The following ANKH variants were observed in gnomAD, a reference collection of about 807,000 sequenced individuals.
ANKH encodes mineralization regulator ANKH.
ANKH carries 15 observed loss-of-function variants against 49.0 expected under a neutral mutation model. The ratio of observed to expected loss-of-function variants is 0.31; its 90% CI spans 0.20 to 0.47. ANKH has a LOEUF of 0.47. Among genes scored for constraint, ANKH ranks in the 20% least tolerant of loss-of-function variants. ANKH has a pLI of 1.00. For missense variants in ANKH, 429 were observed against 652.0 expected (o/e 0.66, Z 3.72); for synonymous variants, 273 against 260.0 (o/e 1.05, Z -0.48).
intron 8 of ANKH, among the ~76,000 whole-genome samples, chr5:14,718,454 T>C (rs889557662): frequency 6.6e-6 from 1 of 151,854 alleles, no homozygotes; most frequent in African/African-American, 2.4e-5. Flanking sequence ...TCCACTGATA[T>C]CCCCAGAGAA....
Position 14,713,114 on chromosome 5 carries a change from C to A in ANKH, c.1266-141G>T. On this transcript the variant is annotated intron_variant, in intron 10 of 11. Transcript: ENST00000284268. The surrounding 1 kb of genome is among the most constrained non-coding windows in gnomAD (Gnocchi z 4.4). ...TCTCCATCTGCTGGCTTCGTAAGGG[C>A]CGCAGCTAATAACCTAATGTGTGAG... is the stretch of plus-strand genomic sequence containing the variant. The A allele has an allele frequency of 1.2e-6, 1 of 833,048 alleles. No individual in the cohort carries two copies. The highest frequency in any genetic ancestry group is 1.5e-5 in the South Asian group (1 of 67,034). The allele number at this position is 833,048 out of a possible 1,614,324, so 51.6% of individuals were successfully genotyped here. A position where few individuals can be genotyped will look rare whatever the true frequency, so the allele number is the denominator to read the frequency against.
chr5:14,791,370 T>G (rs970757968), intron 1 of ANKH, among the ~76,000 whole-genome samples: 1 of 152,172 alleles, frequency 6.6e-6, no homozygotes, highest in African/African-American at 2.4e-5. Context: ...ACTGTGGTAG[T>G]TGCTTGGTGA....
intron 1 of ANKH, among the ~76,000 whole-genome samples, chr5:14,792,792 T>G (rs1740210081): frequency 6.6e-6 from 1 of 150,864 alleles, no homozygotes; most frequent in South Asian, 2.1e-4. Context: ...CTGGCCAACA[T>G]GGTAAAACCC....
chr5:14,751,068 C>T lies in ANKH; in HGVS notation c.687+1G>A, dbSNP rs757456329. The T allele has an allele frequency of 1.2e-6, 2 of 1,614,152 alleles. No individual in the cohort carries two copies. The highest frequency in any genetic ancestry group is 3.3e-5 in the Admixed American group (2 of 60,030). ...GACTGCTGTTGGGTTGGTAGACGTA[C>T]CCCCAGCTCCGGGCCACTTCTGTCA... On this transcript the variant is annotated splice_donor_variant, in intron 5 of 11. Coordinates refer to ENST00000284268, the MANE Select transcript of ANKH (RefSeq NM_054027.6). LOFTEE classifies it high-confidence loss of function.
intron 3 of ANKH, among the ~76,000 whole-genome samples, chr5:14,756,508 C>A (rs1413773324): frequency 6.6e-6 from 1 of 152,210 alleles, no homozygotes; most frequent in Non-Finnish European, 1.5e-5. Context: ...GAGAAGGTTT[C>A]AAGTTCATGA....
At chr5:14,854,937 C>T (rs1351642770) in intron 1 of ANKH, among the ~76,000 whole-genome samples, 2 of 152,136 alleles carry the variant, frequency 1.3e-5, no homozygotes, top group African/African-American at 4.8e-5. Context: ...AATTATCTTT[C>T]AAATCTGAGC....
At chr5:14,846,998 A>G (rs1253307562) in intron 1 of ANKH, among the ~76,000 whole-genome samples, 1 of 107,190 alleles carries the variant, frequency 9.3e-6, no homozygotes, top group Non-Finnish European at 1.9e-5. Flanking sequence ...ACAGTGTAAG[A>G]CTGCCTCAAA....
chr5:14,742,662 AC>A (rs1386731424), intron 7 of ANKH, among the ~76,000 whole-genome samples: 3 of 152,134 alleles, frequency 2.0e-5, no homozygotes, highest in African/African-American at 7.2e-5. Flanking sequence ...CATGCGTCCA[AC>A]CCCGGTGAGG....
At chr5:14,730,168 C>A (rs1227728213) in intron 8 of ANKH, among the ~76,000 whole-genome samples, 1 of 152,082 alleles carries the variant, frequency 6.6e-6, no homozygotes, top group Non-Finnish European at 1.5e-5. Flanking sequence ...GCCGCTAAGC[C>A]CCTCTCCTCT....
chr5:14,822,735 C>T (rs930789234), intron 1 of ANKH, among the ~76,000 whole-genome samples: 2 of 152,220 alleles, frequency 1.3e-5, no homozygotes, highest in African/African-American at 4.8e-5. Context: ...CTCTAAGAAC[C>T]TGCCATTAAA....
intron 2 of ANKH, among the ~76,000 whole-genome samples, chr5:14,761,845 A>C (rs969489603): frequency 2.0e-5 from 3 of 150,822 alleles, no homozygotes; most frequent in Admixed American, 2.0e-4. Context: ...AGCTCACTGC[A>C]ACCTCCACCT....
Position 14,737,180 on chromosome 5 carries a change from G to A in ANKH, c.1011+4647C>T, listed in dbSNP as rs1738214192. ...CCCGATGGGCTGGCTTTCACCACTT[G>A]GCCTGGCATGCAGGAATAGGGAGGT... On this transcript the variant is annotated intron_variant, in intron 8 of 11. Coordinates refer to ENST00000284268, the MANE Select transcript of ANKH (RefSeq NM_054027.6). The surrounding 1 kb of genome is among the most constrained non-coding windows in gnomAD (Gnocchi z 5.0). Among the ~76,000 whole-genome samples, 1 of 152,174 alleles carries A rather than the reference G, an allele frequency of 6.6e-6. No homozygotes were observed. Among genetic ancestry groups the A allele is most frequent in the African/African-American group, 2.4e-5 (1 of 41,454 alleles).
intron 1 of ANKH, among the ~76,000 whole-genome samples, chr5:14,847,514 A>G (rs1741999626): frequency 6.6e-6 from 1 of 152,212 alleles, no homozygotes; most frequent in South Asian, 2.1e-4. Flanking sequence ...AGGAGGGCAC[A>G]TTCAGGCTTC....
chr5:14,845,834 C>T (rs1009162599), intron 1 of ANKH, among the ~76,000 whole-genome samples: 7 of 143,910 alleles, frequency 4.9e-5, no homozygotes, highest in African/African-American at 1.8e-4. Flanking sequence ...GAGAAAATCC[C>T]TATGCACACT....
At position 14,716,843 on chromosome 5, in the gene ANKH, G is replaced by A; in HGVS notation, c.1012-8C>T. ...AAACATCACGAAACAGAGCTGGGGA[G>A]AAAGACATCAAACAGGGTTGTGAGG... On this transcript the variant is annotated splice_polypyrimidine_tract_variant and splice_region_variant and intron_variant, in intron 8 of 11. Coordinates refer to ENST00000284268, the MANE Select transcript of ANKH (RefSeq NM_054027.6). The A allele has an allele frequency of 6.2e-7, 1 of 1,613,742 alleles. No individual in the cohort carries two copies. The highest frequency in any genetic ancestry group is 8.5e-7 in the Non-Finnish European group (1 of 1,179,724).
intron 1 of ANKH, among the ~76,000 whole-genome samples, chr5:14,859,767 A>C (rs1735423056): frequency 6.6e-6 from 1 of 152,256 alleles, no homozygotes; most frequent in African/African-American, 2.4e-5. Flanking sequence ...CCGTCATTTG[A>C]CAAAACTCAC....
rs534446230 is a variant in ANKH, at chr5:14,710,620, G to C, written c.*577C>G. 3 of 160,766 alleles carry C rather than the reference G, an allele frequency of 1.9e-5. No individual in the cohort carries two copies. The highest frequency in any genetic ancestry group is 7.2e-5 in the African/African-American group (3 of 41,616). The allele number at this position is 160,766 out of a possible 1,614,324, so 10.0% of individuals were successfully genotyped here. A position where few individuals can be genotyped will look rare whatever the true frequency, so the allele number is the denominator to read the frequency against. On this transcript the variant is annotated 3_prime_UTR_variant, in exon 12 of 12. Coordinates refer to ENST00000284268, the MANE Select transcript of ANKH (RefSeq NM_054027.6). ...GTCTCCGTTCCTCAGTGTGAACGGG[G>C]ACTCCGGGCTGCAGCGTGCCACCCG... is the stretch of plus-strand genomic sequence containing the variant.
chr5:14,840,896 A>T (rs1741795929), intron 1 of ANKH, among the ~76,000 whole-genome samples: 1 of 152,228 alleles, frequency 6.6e-6, no homozygotes, highest in South Asian at 2.1e-4. Context: ...AAAACAGGAT[A>T]TTTCTGAGTG....
chr5:14,843,826 C>G (rs1741883549), intron 1 of ANKH, among the ~76,000 whole-genome samples: 1 of 152,166 alleles, frequency 6.6e-6, no homozygotes, highest in Non-Finnish European at 1.5e-5. Flanking sequence ...ATAAAGAAAT[C>G]TCGACTCACT....
Sources: gnomAD v4.1 joint callset for allele counts (sites outside exome capture counted in the v4.1 genomes callset) on GRCh38, gnomAD v4.1.1 for gene constraint, Gnocchi (gnomAD v3.1) non-coding constraint, MANE v1.5 for transcripts, NCBI Gene and HGNC (gene_info 2026-07-23, HGNC 2026-07-21) for gene names.